Variants in TBC1D5 observed in about 807,000 individuals in gnomAD.
TBC1D5 encodes the protein TBC1 domain family member 5.
TBC1D5 carries 75 observed loss-of-function variants against 100.3 expected under a neutral mutation model. The ratio of observed to expected loss-of-function variants is 0.75; its 90% CI spans 0.62 to 0.91. The LOEUF is 0.91. Among genes scored for constraint, TBC1D5 ranks in the 40% least tolerant of loss-of-function variants. TBC1D5 has a pLI of 0.00. For synonymous variants in TBC1D5, 323 were observed against 325.6 expected (o/e 0.99, Z 0.09); for missense variants, 910 against 942.4 (o/e 0.97, Z 0.45).
intron 15 of TBC1D5, among the ~76,000 whole-genome samples, chr3:17,288,665 C>T (rs1053475421): frequency 6.6e-6 from 1 of 152,146 alleles, no homozygotes; most frequent in East Asian, 1.9e-4. Flanking sequence ...AGAGAAACCA[C>T]CCAACTTCGG....
At chr3:17,494,636 C>T (rs1045759538) in intron 3 of TBC1D5, among the ~76,000 whole-genome samples, 2 of 152,270 alleles carry the variant, frequency 1.3e-5, no homozygotes, top group East Asian at 1.9e-4. Flanking sequence ...AGGGTAGCTC[C>T]GCAGGGAAAG....
intron 16 of TBC1D5, among the ~76,000 whole-genome samples, chr3:17,242,609 T>C (rs987122741): frequency 2.6e-5 from 4 of 152,202 alleles, no homozygotes; most frequent in Middle Eastern, 3.4e-3. Flanking sequence ...GTTTTAACAA[T>C]AGCATGAAAG....
chr3:17,403,036 C>T lies in TBC1D5; in HGVS notation c.509+145G>A, dbSNP rs190900286. On this transcript the variant is annotated intron_variant, in intron 8 of 21. Coordinates refer to ENST00000253692, the Ensembl canonical transcript of TBC1D5. Reference sequence around the variant, plus strand: ...GAGTAGAAAACAATCCTTATTATCACAATTTGTCAAAACAAGTTTGTTATT... The same window carrying T: ...GAGTAGAAAACAATCCTTATTATCATAATTTGTCAAAACAAGTTTGTTATT... The T allele has an allele frequency of 3.2e-5, 17 of 536,312 alleles. No individual in the cohort carries two copies. The East Asian group carries it at 4.7e-4, about 15-fold the overall frequency. The allele number at this position is 536,312 out of a possible 1,614,324, so 33.2% of individuals were successfully genotyped here. A position where few individuals can be genotyped will look rare whatever the true frequency, so the allele number is the denominator to read the frequency against.
chr3:17,727,956 T>C (rs1294799052), intron 1 of TBC1D5, among the ~76,000 whole-genome samples: 1 of 152,194 alleles, frequency 6.6e-6, no homozygotes, highest in Non-Finnish European at 1.5e-5. Flanking sequence ...AAATGTTCAC[T>C]CTAAGAACAT....
At chr3:17,597,467 ATTTAGTC>A (rs1387218596) in intron 2 of TBC1D5, among the ~76,000 whole-genome samples, 2 of 152,234 alleles carry the variant, frequency 1.3e-5, no homozygotes, top group Non-Finnish European at 2.9e-5. Flanking sequence ...CCCAGTATCC[ATTTAGTC>A]TTAACCATTA....
At chr3:17,733,807 G>A (rs1191945568) in intron 1 of TBC1D5, among the ~76,000 whole-genome samples, 1 of 151,442 alleles carries the variant, frequency 6.6e-6, no homozygotes, top group Admixed American at 6.6e-5. Context: ...GTATGATTAT[G>A]TACCTGGAAA....
chr3:17,391,016 G>A (rs1445576397), intron 8 of TBC1D5, among the ~76,000 whole-genome samples: 1 of 152,144 alleles, frequency 6.6e-6, no homozygotes, highest in South Asian at 2.1e-4. Flanking sequence ...AGGAAATTAT[G>A]TGGGACCAGG....
chr3:17,519,874 A>T (rs965311572), intron 2 of TBC1D5, among the ~76,000 whole-genome samples: 1 of 152,152 alleles, frequency 6.6e-6, no homozygotes, highest in African/African-American at 2.4e-5. Flanking sequence ...ATAAGACCTA[A>T]AACAGTCACT....
intron 1 of TBC1D5, among the ~76,000 whole-genome samples, chr3:17,697,805 C>T (rs1308031016): frequency 6.6e-6 from 1 of 151,864 alleles, no homozygotes; most frequent in Non-Finnish European, 1.5e-5. Context: ...CAAGACAATC[C>T]TAAGCAAAAA....
intron 15 of TBC1D5, among the ~76,000 whole-genome samples, chr3:17,261,427 T>C (rs1176150542): frequency 1.6e-5 from 2 of 124,848 alleles, no homozygotes; most frequent in Admixed American, 1.1e-4. Flanking sequence ...TCTCACTTTA[T>C]GCAATCGAAA....
chr3:17,536,130 A>G (rs1029966306), intron 2 of TBC1D5, among the ~76,000 whole-genome samples: 3 of 152,178 alleles, frequency 2.0e-5, no homozygotes, highest in South Asian at 2.1e-4. Context: ...TTTAACGAAT[A>G]TAAGAAACAC....
chr3:17,578,035 A>T (rs118020549), intron 2 of TBC1D5, among the ~76,000 whole-genome samples: 2,521 of 152,082 alleles, frequency 0.017, 52 homozygotes, highest in South Asian at 0.048. Flanking sequence ...TAAACAGGAA[A>T]CCCATTGTAA....
At chr3:17,386,868 C>T (rs998399303) in intron 8 of TBC1D5, among the ~76,000 whole-genome samples, 12 of 152,042 alleles carry the variant, frequency 7.9e-5, no homozygotes, top group African/African-American at 2.7e-4. Flanking sequence ...TAAATGCATA[C>T]CAACCACTTT....
chr3:17,673,591 A>G (rs2068243552), intron 1 of TBC1D5, among the ~76,000 whole-genome samples: 1 of 151,850 alleles, frequency 6.6e-6, no homozygotes, highest in African/African-American at 2.4e-5. Flanking sequence ...CTTGGATTAC[A>G]AGCATGAGTT....
intron 3 of TBC1D5, among the ~76,000 whole-genome samples, chr3:17,488,103 C>T (rs1315245765): frequency 3.9e-5 from 6 of 152,162 alleles, no homozygotes; most frequent in African/African-American, 7.2e-5. Flanking sequence ...AGTTTCACTG[C>T]CCTAAAGATC....
At chr3:17,168,311 T>C (rs2066844781) in intron 19 of TBC1D5, among the ~76,000 whole-genome samples, 1 of 152,166 alleles carries the variant, frequency 6.6e-6, no homozygotes, top group Non-Finnish European at 1.5e-5. Flanking sequence ...CATTTCAACA[T>C]AATAGTAAAA....
chr3:17,532,792 C>T (rs1339710125), intron 2 of TBC1D5, among the ~76,000 whole-genome samples: 2 of 143,544 alleles, frequency 1.4e-5, no homozygotes, highest in Non-Finnish European at 3.0e-5. Context: ...ACAATGAGAA[C>T]TCATGGACAC....
At chr3:17,252,440 T>C (rs2149318090) in intron 16 of TBC1D5, among the ~76,000 whole-genome samples, 1 of 152,316 alleles carries the variant, frequency 6.6e-6, no homozygotes, top group East Asian at 1.9e-4. Flanking sequence ...ATTTTAATTC[T>C]GGCATGTAGG....
chr3:17,387,480 A>C (rs1412727512), intron 8 of TBC1D5, among the ~76,000 whole-genome samples: 1 of 152,090 alleles, frequency 6.6e-6, no homozygotes, highest in Non-Finnish European at 1.5e-5. Flanking sequence ...CCTACAAAAA[A>C]TACTTGATGG....
Sources: gnomAD v4.1 joint callset for allele counts (sites outside exome capture counted in the v4.1 genomes callset) on GRCh38, gnomAD v4.1.1 for gene constraint, MANE v1.5 for transcripts, NCBI Gene and HGNC (gene_info 2026-07-23, HGNC 2026-07-21) for gene names.